ZC3H11A: variants seen among roughly 807,000 people sequenced by gnomAD.
ZC3H11A encodes zinc finger CCCH-type containing 11A.
A neutral mutation model predicts 90.8 loss-of-function variants in ZC3H11A; 22 were observed. That is an observed-to-expected ratio of 0.24 (90% CI 0.17 to 0.35). ZC3H11A has a LOEUF of 0.35. ZC3H11A is among the 10% of genes least tolerant of loss of function. The probability of loss-of-function intolerance (pLI) is 1.00; values close to 1 mark genes in which losing one functional copy is unlikely to be tolerated. For synonymous variants in ZC3H11A, 294 were observed against 339.8 expected (o/e 0.87, Z 1.48); for missense variants, 701 against 964.9 (o/e 0.73, Z 3.62).
Position 203,847,301 on chromosome 1 carries a change from A to T in ZC3H11A, c.1160A>T (p.Lys387Ile). ...AAACTCAAGACAGAAGGACCTTCAA[A>T]AACTGATGATTCTACTTCAGGAGCA... is the stretch of plus-strand genomic sequence containing the variant. Reference protein sequence around the residue: ...QTKLKTEGPSKTDDSTSGARS... With the variant: ...QTKLKTEGPSITDDSTSGARS... Residue 387 changes from lysine to isoleucine, a missense_variant, in exon 13 of 18, where the codon AAA becomes ATA. Physicochemically the swap from Lys to Ile is moderately radical, Grantham distance 102. Around this residue, in one of 4 missense-constraint regions of ZC3H11A, gnomAD observed 530 missense variants for 696.2 expected, o/e 0.76. Coordinates refer to ENST00000367210, the MANE Select transcript of ZC3H11A (RefSeq NM_001376342.1). The T allele has an allele frequency of 6.2e-7, 1 of 1,614,008 alleles. No homozygotes were observed. The highest frequency in any genetic ancestry group is 8.5e-7 in the Non-Finnish European group (1 of 1,179,864).
intron 17 of ZC3H11A, 122 bp from the exon 18 acceptor site, chr1:203,852,019 A>T: frequency 1.2e-6 from 1 of 822,162 alleles, no homozygotes; most frequent in Non-Finnish European, 1.9e-6. Flanking sequence ...TCAGTAAAAG[A>T]ATTATTTCTT....
chr1:203,799,123 G>C lies in ZC3H11A; in HGVS notation c.-1587-2452G>C, dbSNP rs1014378280. 56 of 1,523,736 alleles carry C rather than the reference G, an allele frequency of 3.7e-5. No individual in the cohort carries two copies. Among genetic ancestry groups the C allele is most frequent in the Non-Finnish European group, 4.5e-5 (51 of 1,135,714 alleles). The allele number at this position is 1,523,736 out of a possible 1,614,324, so 94.4% of individuals were successfully genotyped here. A position where few individuals can be genotyped will look rare whatever the true frequency, so the allele number is the denominator to read the frequency against. ...TGTGTTACAGGTTTGGCTAAAGACTGTTTGATAACCAATATTTTACAAGAA... is the reference window on the plus strand; with the variant it reads ...TGTGTTACAGGTTTGGCTAAAGACTCTTTGATAACCAATATTTTACAAGAA... On this transcript the variant is annotated intron_variant, in intron 1 of 17. Transcript: ENST00000367210.
At chr1:203,832,959 C>T (rs545231016) in intron 9 of ZC3H11A, among the ~76,000 whole-genome samples, 3 of 152,274 alleles carry the variant, frequency 2.0e-5, no homozygotes, top group South Asian at 2.1e-4. Flanking sequence ...CTAGGCTGTG[C>T]GCAGTGGCTT....
intron 7 of ZC3H11A, 107 bp downstream of exon 7, chr1:203,830,003 A>G (rs578243095): frequency 1.2e-4 from 152 of 1,278,770 alleles, no homozygotes; most frequent in Admixed American, 8.3e-4. Context: ...CTACACGCAT[A>G]CTTACCTATA....
rs1370574169 is a variant in ZC3H11A, at chr1:203,852,664, G to A, written c.*265G>A. On this transcript the variant is annotated 3_prime_UTR_variant, in exon 18 of 18. Coordinates refer to ENST00000367210, the MANE Select transcript of ZC3H11A (RefSeq NM_001376342.1). The stretch of plus-strand genomic sequence containing the variant: ...GTCATACCCTTCTCTCCACAAAAAA[G>A]AGACTGAGAGGGAGATCAAGTGAAA... The A allele has an allele frequency of 2.1e-6, 1 of 466,830 alleles. No homozygotes were observed. The highest frequency in any genetic ancestry group is 4.2e-5 in the East Asian group (1 of 23,826). The allele number at this position is 466,830 out of a possible 1,614,324, so 28.9% of individuals were successfully genotyped here.
intron 4 of ZC3H11A, among the ~76,000 whole-genome samples, chr1:203,819,894 A>G (rs1677930089): frequency 6.6e-6 from 1 of 151,756 alleles, no homozygotes; most frequent in Admixed American, 6.6e-5. Context: ...TAATCCTTTG[A>G]TCTCACTCAA....
At chr1:203,800,077 C>G in intron 1 of ZC3H11A, 15 of 1,536,018 alleles carry the variant, frequency 9.8e-6, no homozygotes, top group Non-Finnish European at 1.3e-5. Flanking sequence ...GACAATGTTG[C>G]CCTTGGAAGC....
intron 10 of ZC3H11A, among the ~76,000 whole-genome samples, chr1:203,834,750 A>G (rs759130841): frequency 1.1e-4 from 17 of 152,164 alleles, no homozygotes; most frequent in South Asian, 2.1e-4. Context: ...CCTGGGTTCA[A>G]GTGATTCTCC....
Position 203,802,129 on chromosome 1 carries a change from T to C in ZC3H11A, c.-1033T>C, listed in dbSNP as rs1670704758. The stretch of plus-strand genomic sequence containing the variant: ...TGCTGCTCTGCCTTCTACAGCTTGC[T>C]GCACCACTCTGTAGTTACTCTATTA... On this transcript the variant is annotated 5_prime_UTR_variant, in exon 2 of 18. Transcript: ENST00000367210. 1 of 152,648 alleles carries C rather than the reference T, an allele frequency of 6.6e-6. No individual in the cohort carries two copies. Among genetic ancestry groups the C allele is most frequent in the Non-Finnish European group, 1.5e-5 (1 of 68,034 alleles). The allele number at this position is 152,648 out of a possible 1,614,324, so 9.5% of individuals were successfully genotyped here. A position where few individuals can be genotyped will look rare whatever the true frequency, so the allele number is the denominator to read the frequency against.
chr1:203,834,990 A>T (rs1454639455), intron 10 of ZC3H11A, among the ~76,000 whole-genome samples: 1 of 152,208 alleles, frequency 6.6e-6, no homozygotes, highest in East Asian at 1.9e-4. Flanking sequence ...AATTTTCTTC[A>T]TACTGTTTTA....
intron 9 of ZC3H11A, among the ~76,000 whole-genome samples, chr1:203,832,504 G>T (rs1337963552): frequency 6.6e-6 from 1 of 151,982 alleles, no homozygotes; most frequent in Non-Finnish European, 1.5e-5. Flanking sequence ...GGGATTATAG[G>T]CACCCGCCAC....
chr1:203,852,533 T>A lies in ZC3H11A; in HGVS notation c.*134T>A. ...CCAAATCAGAAGTATACCTCTGAATTATCTGTATGTGTCCTGGATTCCTTG... is the reference window on the plus strand; with the variant it reads ...CCAAATCAGAAGTATACCTCTGAATAATCTGTATGTGTCCTGGATTCCTTG... On this transcript the variant is annotated 3_prime_UTR_variant, in exon 18 of 18. Coordinates refer to ENST00000367210, the MANE Select transcript of ZC3H11A (RefSeq NM_001376342.1). 2 of 938,918 alleles carry A rather than the reference T, an allele frequency of 2.1e-6. No individual in the cohort carries two copies. Among genetic ancestry groups the A allele is most frequent in the African/African-American group, 1.7e-5 (1 of 59,832 alleles). 58.2% of individuals were successfully genotyped at this position (938,918 alleles called of 1,614,324 possible).
chr1:203,849,926 C>CACA lies in ZC3H11A; in HGVS notation c.1841_1843dup (p.Thr614dup). ...CACGGCACCTGACCAAGCGGCTTCC[C>CACA]ACAAAGTCATCCCAGAAGGTGGAGG... On this transcript the variant is annotated inframe_insertion, in exon 15 of 18. Transcript: ENST00000367210. The CACA allele has an allele frequency of 6.2e-7, 1 of 1,614,110 alleles. No homozygotes were observed. Among genetic ancestry groups the CACA allele is most frequent in the Non-Finnish European group, 8.5e-7 (1 of 1,180,026 alleles).
At chr1:203,819,325 G>A (rs549751238) in intron 4 of ZC3H11A, among the ~76,000 whole-genome samples, 7 of 149,868 alleles carry the variant, frequency 4.7e-5, no homozygotes, top group Admixed American at 4.0e-4. Context: ...AGGTTCAAGC[G>A]ATTCTCCTGC....
At chr1:203,821,937 TTAG>T (rs1267464244) in intron 4 of ZC3H11A, among the ~76,000 whole-genome samples, 1 of 152,042 alleles carries the variant, frequency 6.6e-6, no homozygotes, top group African/African-American at 2.4e-5. Flanking sequence ...TTTTGTACTT[TTAG>T]TAGAGATGGG....
intron 4 of ZC3H11A, among the ~76,000 whole-genome samples, chr1:203,825,544 C>T (rs1194022544): frequency 6.7e-6 from 1 of 148,934 alleles, no homozygotes; most frequent in Non-Finnish European, 1.5e-5. Flanking sequence ...AAGTGATTCT[C>T]CTGTCTCAGC....
rs181849073 is a variant in ZC3H11A, at chr1:203,811,789, G to A, written c.-145-5137G>A. ...AAACTTTTTCCTTTGTTGCATATAT[G>A]TCTGAAAAGTATTCAGATAGCTTTG... On this transcript the variant is annotated intron_variant, in intron 2 of 17. Transcript: ENST00000367210. Among the ~76,000 whole-genome samples, 12 of 149,388 alleles carry A rather than the reference G, an allele frequency of 8.0e-5. No individual in the cohort carries two copies. The East Asian group carries it at 2.0e-3, about 25-fold the overall frequency.
chr1:203,805,781 C>A, intron 2 of ZC3H11A: 1 of 706,844 alleles, frequency 1.4e-6, no homozygotes, highest in Non-Finnish European at 2.6e-6. Context: ...TCCAACTCTG[C>A]TTCTAGGTTG....
intron 7 of ZC3H11A, 32 bp downstream of exon 7, chr1:203,829,928 GCAC>G: frequency 6.3e-7 from 1 of 1,581,040 alleles, no homozygotes; most frequent in Non-Finnish European, 8.7e-7. Flanking sequence ...GCCTCTTATA[GCAC>G]TGTTGAAACT....
Sources: allele counts gnomAD v4.1 joint callset (sites outside exome capture counted in the v4.1 genomes callset), GRCh38; gene constraint gnomAD v4.1.1; regional missense constraint gnomAD v4.1.1; transcripts MANE v1.5; gene names NCBI Gene and HGNC (gene_info 2026-07-23, HGNC 2026-07-21).